The following AKAP9 variants were observed in gnomAD, a reference collection of about 807,000 sequenced individuals.
AKAP9 encodes the protein A-kinase anchor protein 9.
Under a neutral mutation model 488.5 loss-of-function variants are expected in AKAP9, and 311 were observed. The ratio of observed to expected loss-of-function variants is 0.64; its 90% CI spans 0.58 to 0.70. The LOEUF (loss-of-function observed/expected upper bound fraction) is 0.70. Ranked by LOEUF, AKAP9 falls within the 30% of genes least tolerant of loss-of-function variation. The pLI is 0.00. For synonymous variants in AKAP9, 1,462 were observed against 1,483.5 expected, an observed-to-expected ratio of 0.99 and a Z score of 0.33; for missense variants, 4,215 against 4,374.5, an observed-to-expected ratio of 0.96 and a Z score of 1.03.
chr7:91,966,851 A>G (rs1260175131), intron 1 of AKAP9, among the ~76,000 whole-genome samples: 1 of 152,100 alleles, frequency 6.6e-6, no homozygotes, highest in Non-Finnish European at 1.5e-5. Flanking sequence ...TGTTTTTTCT[A>G]TTTCTGTGAA....
chr7:91,964,492 GGTACAAT>G (rs373432137), intron 1 of AKAP9, among the ~76,000 whole-genome samples: 234 of 151,946 alleles, frequency 1.5e-3, no homozygotes, highest in African/African-American at 5.4e-3. Flanking sequence ...TGGATAAATG[GGTACAAT>G]GTACACTATT....
intron 2 of AKAP9, among the ~76,000 whole-genome samples, chr7:91,977,774 T>C (rs1393497970): frequency 6.6e-6 from 1 of 152,204 alleles, no homozygotes. Flanking sequence ...CAAAGGTATA[T>C]TATTTATTTT....
intron 9 of AKAP9, among the ~76,000 whole-genome samples, chr7:92,013,611 T>G (rs1389991737): frequency 6.6e-6 from 1 of 152,136 alleles, no homozygotes; most frequent in Non-Finnish European, 1.5e-5. Context: ...AGCTGTCCTT[T>G]CCATAAACAG....
At position 91,964,586 on chromosome 7, in the gene AKAP9, C is replaced by A. The variant is rs902660857; in HGVS notation, c.49-9125C>A. ...ATGTAACAAAACTGGATTTGTACCCCCTAAATCTATAAAAATAAAAAAATA... is the reference window on the plus strand; with the variant it reads ...ATGTAACAAAACTGGATTTGTACCCACTAAATCTATAAAAATAAAAAAATA... On this transcript the variant is annotated intron_variant, in intron 1 of 49. Transcript: ENST00000356239. 1.2e-4 allele frequency among the ~76,000 whole-genome samples: 18 copies of A among 151,904 alleles called. 1 individual carries two copies. Among genetic ancestry groups the A allele is most frequent in the African/African-American group, 3.9e-4 (16 of 41,420 alleles).
chr7:92,077,919 G>C, intron 30 of AKAP9, 44 bp downstream of exon 30: 2 of 1,445,550 alleles, frequency 1.4e-6, no homozygotes, highest in African/African-American at 2.8e-5. Flanking sequence ...ATGAACCAGA[G>C]TTTTAAAGGG....
At chr7:92,037,952 G>C (rs1220825487) in intron 16 of AKAP9, among the ~76,000 whole-genome samples, 1 of 152,094 alleles carries the variant, frequency 6.6e-6, no homozygotes, top group Non-Finnish European at 1.5e-5. Context: ...TTCTTAACTT[G>C]AAGAGGTATT....
chr7:92,023,010 G>A lies in AKAP9; in HGVS notation c.4148+1G>A. The stretch of plus-strand genomic sequence containing the variant: ...TTAGTGAGTCCACGGTTCCGCCAAG[G>A]TATTCATCTGCTTATAGCTTCATTC... On this transcript the variant is annotated splice_donor_variant, in intron 14 of 49. Coordinates refer to ENST00000356239, the MANE Select transcript of AKAP9 (RefSeq NM_005751.5). LOFTEE classifies it high-confidence loss of function. The A allele has an allele frequency of 1.9e-6, 3 of 1,612,364 alleles. No homozygotes were observed. The highest frequency in any genetic ancestry group is 2.5e-6 in the Non-Finnish European group (3 of 1,178,496).
chr7:92,100,878 G>C lies in AKAP9; in HGVS notation c.10919G>C (p.Gly3640Ala). Residue 3640 changes from glycine to alanine, a missense_variant, in exon 45 of 50, where the codon GGT becomes GCT. By Grantham distance (60) the Gly-to-Ala change is moderately conservative. Transcript: ENST00000356239. ...CAGTCTTCCAGGTTTTCATTGAATG[G>C]TGGTGCCAACATTGAAGCCATCATT... ...RDNSSRFSLNGGANIEAIIAS... is the reference protein window; with the variant it reads ...RDNSSRFSLNAGANIEAIIAS... 6.2e-7 allele frequency: 1 copy of C among 1,614,138 alleles called. No homozygotes were observed. Among genetic ancestry groups the C allele is most frequent in the Non-Finnish European group, 8.5e-7 (1 of 1,180,012 alleles).
At chr7:92,039,992 T>TA (rs1307667653) in intron 17 of AKAP9, among the ~76,000 whole-genome samples, 17 of 152,028 alleles carry the variant, frequency 1.1e-4, no homozygotes, top group African/African-American at 4.1e-4. Flanking sequence ...TAAAATAAAA[T>TA]TGCCAACTCT....
intron 21 of AKAP9, among the ~76,000 whole-genome samples, chr7:92,052,272 A>G (rs532551859): frequency 3.1e-4 from 38 of 121,962 alleles, no homozygotes; most frequent in African/African-American, 1.2e-3. Context: ...ACTTATTTCT[A>G]TCCCTCTGTA....
Position 92,040,662 on chromosome 7 carries a change from T to TTTTTTTTTA in AKAP9, c.4693-11_4693-10insTTTTTTTAT. 1 of 1,514,516 alleles carries TTTTTTTTTA rather than the reference T, an allele frequency of 6.6e-7. No homozygotes were observed. The highest frequency in any genetic ancestry group is 9.0e-7 in the Non-Finnish European group (1 of 1,109,644). The allele number at this position is 1,514,516 out of a possible 1,614,324, so 93.8% of individuals were successfully genotyped here. On this transcript the variant is annotated splice_polypyrimidine_tract_variant and intron_variant, in intron 17 of 49. Transcript: ENST00000356239. ...GGTTGAATTGTTTTTTTTTTTTTTT[T>TTTTTTTTTA]TACTATTAAAGATTCATGATGAGAT...
At chr7:92,051,355 A>G (rs2130802313) in intron 21 of AKAP9, among the ~76,000 whole-genome samples, 1 of 152,366 alleles carries the variant, frequency 6.6e-6, no homozygotes, top group East Asian at 1.9e-4. Context: ...TTGCACTTCT[A>G]AATGTTTTCA....
intron 23 of AKAP9, 125 bp from the exon 24 acceptor site, chr7:92,062,149 A>G: frequency 1.2e-6 from 1 of 819,018 alleles, no homozygotes; most frequent in Non-Finnish European, 2.0e-6. Flanking sequence ...TTCATTCAAG[A>G]CTTTTAATAG....
intron 21 of AKAP9, among the ~76,000 whole-genome samples, chr7:92,052,241 C>G (rs1808100784): frequency 6.6e-6 from 1 of 151,872 alleles, no homozygotes; most frequent in African/African-American, 2.4e-5. Flanking sequence ...AAAAGTCAGT[C>G]TGCTCCCGAA....
At chr7:91,963,717 G>A (rs576833176) in intron 1 of AKAP9, among the ~76,000 whole-genome samples, 100 of 152,126 alleles carry the variant, frequency 6.6e-4, no homozygotes, top group South Asian at 2.5e-3. Context: ...ATGTGGTTTC[G>A]CCGTGTTAGG....
chr7:92,003,054 CAAAAAT>C lies in AKAP9; in HGVS notation c.3140_3145del (p.Lys1047_Ile1048del), dbSNP rs776015663. ...GTAAATAAAAGTTTTGGTGAAGAAT[CAAAAAT>C]AATGGTGGAAGATAAAGTTTCTTTT... On this transcript the variant is annotated inframe_deletion, in exon 8 of 50. Transcript: ENST00000356239. 1 of 1,612,966 alleles carries C rather than the reference CAAAAAT, an allele frequency of 6.2e-7. No homozygotes were observed. Among genetic ancestry groups the C allele is most frequent in the Non-Finnish European group, 8.5e-7 (1 of 1,179,500 alleles).
At chr7:92,074,258 C>G (rs11980125) in intron 28 of AKAP9, among the ~76,000 whole-genome samples, 5 of 151,912 alleles carry the variant, frequency 3.3e-5, no homozygotes, top group East Asian at 1.9e-4. Flanking sequence ...AAAAAACATA[C>G]GAAGAAAAGC....
At chr7:92,057,960 T>G (rs1195038991) in intron 22 of AKAP9, 3 of 235,482 alleles carry the variant, frequency 1.3e-5, no homozygotes, top group African/African-American at 6.7e-5. Context: ...GAGACCTAAG[T>G]TTTTTTAGAT....
At chr7:91,980,243 A>T in intron 2 of AKAP9, 46 bp from the exon 3 acceptor site, 1 of 1,209,512 alleles carries the variant, frequency 8.3e-7, no homozygotes, top group Non-Finnish European at 1.2e-6. Context: ...TATGATATTT[A>T]GCACAAAAAA....
Sources: gnomAD v4.1 joint callset for allele counts (sites outside exome capture counted in the v4.1 genomes callset) on GRCh38, gnomAD v4.1.1 for gene constraint, MANE v1.5 for transcripts, NCBI Gene and HGNC (gene_info 2026-07-23, HGNC 2026-07-21) for gene names.